STPG2: variants seen among roughly 807,000 people sequenced by gnomAD.
The protein encoded by STPG2 is sperm tail PG-rich repeat containing 2.
In STPG2, 56 loss-of-function variants were observed where a neutral mutation model predicts 54.2. The observed-to-expected ratio is 1.03, with a 90% confidence interval of 0.83 to 1.29. The LOEUF is 1.29. Ranked by LOEUF, STPG2 falls within the 50% of genes most tolerant of loss-of-function variation. The pLI is 0.00. For synonymous variants in STPG2, 200 were observed against 181.8 expected, an observed-to-expected ratio of 1.10 and a Z score of -0.81; for missense variants, 596 against 544.9, an observed-to-expected ratio of 1.09 and a Z score of -0.93.
intron 7 of STPG2, among the ~76,000 whole-genome samples, chr4:97,962,934 G>C (rs1733944870): frequency 6.6e-6 from 1 of 152,158 alleles, no homozygotes; most frequent in Admixed American, 6.5e-5. Flanking sequence ...GCTGAGGCAG[G>C]TGGATCATGA....
intron 4 of STPG2, chr4:97,490,147 T>C (rs1730472195): frequency 6.6e-6 from 1 of 151,376 alleles, no homozygotes; most frequent in East Asian, 2.0e-4. Context: ...AAAAATACAA[T>C]CCAATATTAC....
chr4:97,483,705 A>G (rs1730281322), intron 4 of STPG2, among the ~76,000 whole-genome samples: 1 of 151,832 alleles, frequency 6.6e-6, no homozygotes, highest in African/African-American at 2.4e-5. Flanking sequence ...GATTTGAACT[A>G]TACCATGAAA....
chr4:97,499,227 T>C (rs1578345094), intron 4 of STPG2, among the ~76,000 whole-genome samples: 2 of 151,926 alleles, frequency 1.3e-5, no homozygotes, highest in African/African-American at 4.8e-5. Context: ...GTCAGACTTT[T>C]AGATGGGATG....
intron 9 of STPG2, among the ~76,000 whole-genome samples, chr4:97,776,743 A>G (rs530809826): frequency 9.9e-4 from 151 of 152,324 alleles, no homozygotes; most frequent in South Asian, 2.1e-3. Flanking sequence ...ATTAATATCT[A>G]CTATGTACTT....
chr4:97,976,745 A>G (rs1458315974), intron 6 of STPG2, among the ~76,000 whole-genome samples: 1 of 152,174 alleles, frequency 6.6e-6, no homozygotes, highest in Non-Finnish European at 1.5e-5. Flanking sequence ...TCCTTAAAAT[A>G]TGTAAGATTC....
intron 5 of STPG2, among the ~76,000 whole-genome samples, chr4:98,042,034 T>C (rs1399713902): frequency 2.0e-5 from 3 of 151,932 alleles, no homozygotes; most frequent in African/African-American, 7.2e-5. Context: ...CTGTTTAGAA[T>C]TTCTGTTTCT....
intron 8 of STPG2, among the ~76,000 whole-genome samples, chr4:97,847,580 C>G (rs1011433506): frequency 1.3e-5 from 2 of 152,050 alleles, no homozygotes; most frequent in African/African-American, 4.8e-5. Flanking sequence ...TGCTGATAGT[C>G]AAAATCACAT....
chr4:97,929,654 T>G (rs191654730), intron 8 of STPG2, among the ~76,000 whole-genome samples: 1 of 152,366 alleles, frequency 6.6e-6, no homozygotes, highest in African/African-American at 2.4e-5. Context: ...CTCAGTTGAT[T>G]GTTGGCCACA....
chr4:97,574,856 A>G (rs1732685405), intron 10 of STPG2, among the ~76,000 whole-genome samples: 1 of 152,040 alleles, frequency 6.6e-6, no homozygotes, highest in African/African-American at 2.4e-5. Context: ...AGAACTCTAA[A>G]AAGTTTCCAA....
At chr4:97,594,465 A>G (rs1733229194) in intron 10 of STPG2, among the ~76,000 whole-genome samples, 1 of 152,206 alleles carries the variant, frequency 6.6e-6, no homozygotes, top group Admixed American at 6.5e-5. Flanking sequence ...ATTAAAGAAG[A>G]AAGAATGAAA....
At chr4:98,134,778 A>C (rs1028048873) in intron 1 of STPG2, among the ~76,000 whole-genome samples, 3 of 151,576 alleles carry the variant, frequency 2.0e-5, no homozygotes, top group Non-Finnish European at 3.0e-5. Flanking sequence ...CTGATAAAAC[A>C]TTTTCATCCT....
chr4:97,909,171 G>A (rs1189847295), intron 8 of STPG2, among the ~76,000 whole-genome samples: 3 of 151,548 alleles, frequency 2.0e-5, no homozygotes, highest in African/African-American at 7.3e-5. Flanking sequence ...GGAATTTTAA[G>A]AAGCAATTGT....
At chr4:97,812,251 C>A (rs1578585937) in intron 9 of STPG2, among the ~76,000 whole-genome samples, 1 of 151,928 alleles carries the variant, frequency 6.6e-6, no homozygotes, top group African/African-American at 2.4e-5. Flanking sequence ...CTTACAATGG[C>A]CTAAGATTCA....
At chr4:97,648,984 A>C (rs1047772395) in intron 10 of STPG2, among the ~76,000 whole-genome samples, 1 of 152,110 alleles carries the variant, frequency 6.6e-6, no homozygotes, top group Admixed American at 6.6e-5. Context: ...ATAGAACCAA[A>C]CCCTAATTGT....
chr4:97,638,205 C>T (rs1188087868), intron 10 of STPG2, among the ~76,000 whole-genome samples: 1 of 151,928 alleles, frequency 6.6e-6, no homozygotes, highest in Admixed American at 6.6e-5. Context: ...CTACAACTAT[C>T]TGATCTTTGA....
intron 5 of STPG2, among the ~76,000 whole-genome samples, chr4:98,056,116 C>A (rs567177569): frequency 5.3e-5 from 8 of 152,292 alleles, no homozygotes; most frequent in East Asian, 3.9e-4. Context: ...TTGCCCCCCC[C>A]CAAATAAACA....
At chr4:97,552,472 A>G (rs565160770) in intron 4 of STPG2, among the ~76,000 whole-genome samples, 4 of 152,228 alleles carry the variant, frequency 2.6e-5, no homozygotes, top group Admixed American at 2.0e-4. Flanking sequence ...TGTTTTCATC[A>G]GGTTTAATTC....
chr4:98,101,811 C>G (rs759580995), intron 5 of STPG2, among the ~76,000 whole-genome samples: 13 of 152,058 alleles, frequency 8.5e-5, no homozygotes, highest in Non-Finnish European at 1.8e-4. Context: ...AACCACAATT[C>G]TCAATTCTTC....
chr4:97,913,240 T>C (rs923562478), intron 8 of STPG2, among the ~76,000 whole-genome samples: 6 of 152,210 alleles, frequency 3.9e-5, no homozygotes, highest in African/African-American at 1.4e-4. Context: ...TCAATCACTT[T>C]ATTAACTTTA....
Sources: gnomAD v4.1 joint callset for allele counts (sites outside exome capture counted in the v4.1 genomes callset) on GRCh38, gnomAD v4.1.1 for gene constraint, MANE v1.5 for transcripts, NCBI Gene and HGNC (gene_info 2026-07-23, HGNC 2026-07-21) for gene names.